Variants in NAA35 observed in about 807,000 individuals in gnomAD.
The protein encoded by NAA35 is MAK10 homolog, amino-acid N-acetyltransferase subunit.
In NAA35, 18 loss-of-function variants were observed where a neutral mutation model predicts 101.7. The observed-to-expected ratio is 0.18, with a 90% CI of 0.12 to 0.26. The LOEUF (loss-of-function observed/expected upper bound fraction) is 0.26. Ranked by LOEUF, NAA35 falls within the 10% of genes least tolerant of loss-of-function variation. The pLI, the probability that NAA35 is intolerant of heterozygous loss-of-function variation, is 1.00. For missense variants in NAA35, 601 were observed against 886.8 expected (o/e 0.68, Z 4.09); for synonymous variants, 267 against 273.1 (o/e 0.98, Z 0.22).
chr9:85,976,972 A>C (rs1241237335), intron 9 of NAA35, among the ~76,000 whole-genome samples: 4 of 152,270 alleles, frequency 2.6e-5, no homozygotes, highest in Middle Eastern at 3.4e-3. Flanking sequence ...GAAAAATACG[A>C]TCTTTCACAG....
At chr9:85,975,076 A>G (rs1010648635) in intron 7 of NAA35, 38 bp from the exon 8 acceptor site, 2 of 1,611,720 alleles carry the variant, frequency 1.2e-6, no homozygotes, top group Non-Finnish European at 1.7e-6. Flanking sequence ...TTACATTTTC[A>G]TATGTTTCCT....
Position 85,978,355 on chromosome 9 carries a change from A to G in NAA35, c.851A>G (p.Gln284Arg), listed in dbSNP as rs1235591820. The change falls in exon 11 of 23, where the codon CAG becomes CGG. Residue 284 changes from glutamine (Q) to arginine (R), a missense_variant. By Grantham distance (43) the Gln-to-Arg change is conservative (BLOSUM62 1). This residue lies in a region of NAA35 where 190 missense variants were observed against 223.1 expected (regional missense o/e 0.85). Coordinates refer to ENST00000361671, the MANE Select transcript of NAA35 (RefSeq NM_024635.4). The part of the protein sequence containing the change: ...AIHNSLHHGI[Q>R]AQNDTTKGDH... ...CATAATTCATTGCATCATGGCATCC[A>G]GGCCCAGAATGATACTACAAAAGGA... 1.2e-6 allele frequency: 2 copies of G among 1,610,538 alleles called. No individual in the cohort carries two copies. The highest frequency in any genetic ancestry group is 1.7e-5 in the Admixed American group (1 of 59,974).
At position 86,016,685 on chromosome 9, in the gene NAA35, A is replaced by G; in HGVS notation, c.1705+10A>G. 1 of 1,607,590 alleles carries G rather than the reference A, an allele frequency of 6.2e-7. No individual in the cohort carries two copies. The highest frequency in any genetic ancestry group is 8.5e-7 in the Non-Finnish European group (1 of 1,178,964). On this transcript the variant is annotated intron_variant, in intron 18 of 22. Transcript: ENST00000361671. ...AAGAAAAAAAAGAAAGGTGCTGTGG[A>G]TTATTTTTAAACTTAAGAACAGAGT...
In NAA35 at chr9:86,007,450, G is replaced by T; in HGVS notation, c.1209G>T (p.Pro403=). Residue 403 remains proline, a synonymous_variant, in exon 14 of 23, where the codon CCG becomes CCT. Transcript: ENST00000361671. ...CACTTCGGTCTTTTGTCAGTCCTCC[G>T]GTGCTTTCCCCCAAGTAAGTATTGT... ...KDALRSFVSP[P]VLSPKCYLYN... is the part of the protein sequence containing the mutation. The T allele has an allele frequency of 6.2e-7, 1 of 1,612,734 alleles. No homozygotes were observed. The highest frequency in any genetic ancestry group is 1.7e-5 in the Admixed American group (1 of 59,958).
intron 11 of NAA35, among the ~76,000 whole-genome samples, chr9:85,995,105 C>CTAACAGGAA (rs1332428152): frequency 6.6e-6 from 1 of 151,910 alleles, no homozygotes; most frequent in Non-Finnish European, 1.5e-5. Context: ...GACCAGTGAC[C>CTAACAGGAA]TAACAGGAAT....
intron 11 of NAA35, among the ~76,000 whole-genome samples, chr9:85,979,899 T>G (rs1028289282): frequency 1.3e-5 from 2 of 152,140 alleles, no homozygotes; most frequent in African/African-American, 4.8e-5. Flanking sequence ...CCGGAGGTAA[T>G]GCCAGATCCC....
Position 86,024,128 on chromosome 9 carries a change from AC to A in NAA35, c.*2169del, listed in dbSNP as rs1244189172. Among the ~76,000 whole-genome samples the A allele has an allele frequency of 1.3e-5, 2 of 152,256 alleles. No individual in the cohort carries two copies. The highest frequency in any genetic ancestry group is 2.9e-5 in the Non-Finnish European group (2 of 68,048). On this transcript the variant is annotated 3_prime_UTR_variant, in exon 23 of 23. Transcript: ENST00000361671. ...CCTGTCATAGAGCTTTTATCATCTT[AC>A]GACAAATACAGAAAAGCAACAGGTA...
At chr9:85,955,992 C>T (rs929280062) in intron 2 of NAA35, among the ~76,000 whole-genome samples, 54 of 152,246 alleles carry the variant, frequency 3.5e-4, no homozygotes, top group South Asian at 1.0e-3. Flanking sequence ...ATTATGGTAA[C>T]GTGGTTTAAA....
intron 4 of NAA35, among the ~76,000 whole-genome samples, 186 bp downstream of exon 4, chr9:85,958,772 A>G (rs1211178274): frequency 6.6e-6 from 1 of 152,238 alleles, no homozygotes; most frequent in Non-Finnish European, 1.5e-5. Context: ...CTTCATTAAA[A>G]TCTTGCTCTA....
intron 15 of NAA35, among the ~76,000 whole-genome samples, chr9:86,012,095 CACTTT>C (rs1372658286): frequency 4.7e-5 from 7 of 148,768 alleles, no homozygotes; most frequent in Non-Finnish European, 8.9e-5. Context: ...TCAGGCATAT[CACTTT>C]AATTTTTAAA....
intron 13 of NAA35, among the ~76,000 whole-genome samples, chr9:86,005,116 A>G (rs2118350628): frequency 6.6e-6 from 1 of 152,364 alleles, no homozygotes; most frequent in East Asian, 1.9e-4. Context: ...TCAATAAATT[A>G]TTAATAAATC....
chr9:86,020,325 A>G (rs1832463126), intron 21 of NAA35, among the ~76,000 whole-genome samples: 1 of 152,186 alleles, frequency 6.6e-6, no homozygotes, highest in Non-Finnish European at 1.5e-5. Flanking sequence ...CATTTATTCA[A>G]AGATGAGTCT....
At chr9:86,012,786 A>G (rs1253576971) in intron 15 of NAA35, among the ~76,000 whole-genome samples, 1 of 152,342 alleles carries the variant, frequency 6.6e-6, no homozygotes, top group East Asian at 1.9e-4. Context: ...TTGCAAGAAG[A>G]TATCTAAAGA....
intron 11 of NAA35, among the ~76,000 whole-genome samples, chr9:85,983,041 A>C (rs1033663002): frequency 3.3e-5 from 5 of 152,204 alleles, no homozygotes; most frequent in African/African-American, 1.2e-4. Context: ...GAACTGGTTG[A>C]TAATCTGTTC....
chr9:85,941,162 G>A lies in NAA35; in HGVS notation c.-117G>A, dbSNP rs1417558800. 3 of 986,028 alleles carry A rather than the reference G, an allele frequency of 3.0e-6. No individual in the cohort carries two copies. The highest frequency in any genetic ancestry group is 5.2e-4 in the Middle Eastern group (1 of 1,914). The allele number at this position is 986,028 out of a possible 1,614,324, so 61.1% of individuals were successfully genotyped here. On this transcript the variant is annotated 5_prime_UTR_variant, in exon 1 of 23. Coordinates refer to ENST00000361671, the MANE Select transcript of NAA35 (RefSeq NM_024635.4). ...GTCCCGGGCATACGCATGCGTGCACGCTGCCGGTCGGGCTGGGCTGAGAGG... is the reference window on the plus strand; with the variant it reads ...GTCCCGGGCATACGCATGCGTGCACACTGCCGGTCGGGCTGGGCTGAGAGG...
At chr9:85,951,019 TCCCA>T (rs1828994855) in intron 2 of NAA35, among the ~76,000 whole-genome samples, 1 of 151,674 alleles carries the variant, frequency 6.6e-6, no homozygotes. Flanking sequence ...GCACCTGTAG[TCCCA>T]GCTACTTGGG....
chr9:85,941,276 A>G lies in NAA35; in HGVS notation c.-6+3A>G, dbSNP rs936193699. 4.4e-5 allele frequency: 43 copies of G among 985,496 alleles called. No homozygotes were observed. Among genetic ancestry groups the G allele is most frequent in the Non-Finnish European group, 5.1e-5 (42 of 830,122 alleles). The allele number at this position is 985,496 out of a possible 1,614,324, so 61.0% of individuals were successfully genotyped here. On this transcript the variant is annotated splice_donor_region_variant and intron_variant, in intron 1 of 22. Coordinates refer to ENST00000361671, the MANE Select transcript of NAA35 (RefSeq NM_024635.4). ...GCGGGTGACCACGGGAGAAGTAGGT[A>G]GGGACCGCCCCTGCGTAGCCATTGA... is the stretch of plus-strand genomic sequence containing the variant.
rs752952664 is a variant in NAA35, at chr9:86,016,560, C to T, written c.1590C>T (p.Tyr530=). ...YIYWYLSEFL[Y]AWLMSTLSRA... is the part of the protein sequence containing the mutation. Reference sequence around the variant, plus strand: ...TAAGGTATCTCTCTGAATTCCTTTACGCATGGTTGATGTCAACATTGAGTC... The same window carrying T: ...TAAGGTATCTCTCTGAATTCCTTTATGCATGGTTGATGTCAACATTGAGTC... The change falls in exon 18 of 23, where the codon TAC becomes TAT. Residue 530 remains tyrosine, a synonymous_variant. Coordinates refer to ENST00000361671, the MANE Select transcript of NAA35 (RefSeq NM_024635.4). 1.1e-5 allele frequency: 17 copies of T among 1,613,510 alleles called. No homozygotes were observed. Among genetic ancestry groups the T allele is most frequent in the African/African-American group, 6.7e-5 (5 of 74,834 alleles).
intron 2 of NAA35, among the ~76,000 whole-genome samples, chr9:85,953,602 T>C (rs1401425162): frequency 2.0e-5 from 3 of 151,738 alleles, no homozygotes; most frequent in African/African-American, 7.3e-5. Context: ...CTTTTTGTAT[T>C]TTTTTTGGTA....
Sources: allele counts gnomAD v4.1 joint callset (sites outside exome capture counted in the v4.1 genomes callset), GRCh38; gene constraint gnomAD v4.1.1; regional missense constraint gnomAD v4.1.1; transcripts MANE v1.5; gene names NCBI Gene and HGNC (gene_info 2026-07-23, HGNC 2026-07-21).